The following NRG1 variants were observed in gnomAD, a reference collection of about 807,000 sequenced individuals.
NRG1 encodes neuregulin 1.
NRG1 carries 18 observed loss-of-function variants against 63.8 expected under a neutral mutation model. The observed-to-expected ratio is 0.28, with a 90% CI of 0.19 to 0.42. The LOEUF is 0.42. NRG1 is among the 10% of genes least tolerant of loss of function. The probability of loss-of-function intolerance (pLI) is 1.00; values close to 1 mark genes in which losing one functional copy is unlikely to be tolerated. For synonymous variants in NRG1, 302 were observed against 301.3 expected, an observed-to-expected ratio of 1.00 and a Z score of -0.02; for missense variants, 762 against 814.7, an observed-to-expected ratio of 0.94 and a Z score of 0.79.
intron 1 of NRG1, among the ~76,000 whole-genome samples, chr8:32,422,259 TC>T (rs1252533363): frequency 1.3e-5 from 2 of 152,192 alleles, no homozygotes; most frequent in East Asian, 3.9e-4. Flanking sequence ...CATATACCTA[TC>T]CACACATATG....
chr8:32,250,284 C>G (rs1848970567), intron 1 of NRG1, among the ~76,000 whole-genome samples: 1 of 151,956 alleles, frequency 6.6e-6, no homozygotes, highest in Non-Finnish European at 1.5e-5. Context: ...AACATCATCC[C>G]AAGGAAGGCT....
Position 32,199,521 on chromosome 8 carries a change from C to G in NRG1, c.38-396307C>G, listed in dbSNP as rs141104154. ...AGCTTCTAAATTAGCCTACATAAGA[C>G]ATAAACTCTTAGATCTTACTTGTCT... On this transcript the variant is annotated intron_variant, in intron 1 of 10. Coordinates refer to the NRG1 transcript ENST00000519301. Among the ~76,000 whole-genome samples, 1,361 of 152,246 alleles carry G rather than the reference C, an allele frequency of 8.9e-3. 11 individuals carry two copies. The highest frequency in any genetic ancestry group is 0.015 in the Non-Finnish European group (1,054 of 68,018).
chr8:32,673,575 T>C (rs1806262490), intron 5 of NRG1, among the ~76,000 whole-genome samples: 1 of 152,206 alleles, frequency 6.6e-6, no homozygotes, highest in South Asian at 2.1e-4. Flanking sequence ...TATGGCTCTT[T>C]GACAGTGGAA....
intron 1 of NRG1, among the ~76,000 whole-genome samples, chr8:32,199,721 T>C (rs1563901228): frequency 6.6e-6 from 1 of 152,240 alleles, no homozygotes; most frequent in African/African-American, 2.4e-5. Context: ...TGAAAACTAC[T>C]TAGATATTCT....
At chr8:32,468,611 G>A (rs559876915) in intron 1 of NRG1, among the ~76,000 whole-genome samples, 1 of 152,124 alleles carries the variant, frequency 6.6e-6, no homozygotes, top group African/African-American at 2.4e-5. Context: ...CTTCCTAGGA[G>A]ATTTTCAACT....
chr8:32,606,515 CACCCCG>C (rs575615897), intron 3 of NRG1, among the ~76,000 whole-genome samples: 230 of 152,070 alleles, frequency 1.5e-3, no homozygotes, highest in African/African-American at 5.4e-3. Flanking sequence ...TTAAAAGAAC[CACCCCG>C]ATGGCTTTGT....
Position 32,154,120 on chromosome 8 carries a change from A to G in NRG1, c.38-441708A>G, listed in dbSNP as rs146281557. Among the ~76,000 whole-genome samples the G allele has an allele frequency of 1.2e-3, 184 of 152,304 alleles. 1 individual carries two copies. Among genetic ancestry groups the G allele is most frequent in the Non-Finnish European group, 2.0e-3 (133 of 68,028 alleles). ...AGGAGAATGGAAGTTTGTATAAACTAGAGTGCTCAAGCAGCAGGCAGTGGA... is the reference window on the plus strand; with the variant it reads ...AGGAGAATGGAAGTTTGTATAAACTGGAGTGCTCAAGCAGCAGGCAGTGGA... On this transcript the variant is annotated intron_variant, in intron 1 of 10. Transcript: ENST00000519301.
At chr8:32,732,585 AT>A (rs1185249930) in intron 6 of NRG1, among the ~76,000 whole-genome samples, 4 of 152,164 alleles carry the variant, frequency 2.6e-5, no homozygotes, top group Non-Finnish European at 5.9e-5. Context: ...CAATATATTT[AT>A]TTATAACATG....
At chr8:32,090,050 T>A (rs1279587314) in intron 1 of NRG1, among the ~76,000 whole-genome samples, 31 of 152,198 alleles carry the variant, frequency 2.0e-4, no homozygotes, top group Admixed American at 2.0e-3. Context: ...CTCTTGTATA[T>A]TGACAAGAGC....
chr8:31,900,470 A>C (rs1831980099), intron 1 of NRG1, among the ~76,000 whole-genome samples: 1 of 152,222 alleles, frequency 6.6e-6, no homozygotes, highest in Non-Finnish European at 1.5e-5. Flanking sequence ...CATTATACTA[A>C]GTAGAGAAGT....
At chr8:32,001,811 A>G (rs925355032) in intron 1 of NRG1, among the ~76,000 whole-genome samples, 10 of 151,980 alleles carry the variant, frequency 6.6e-5, no homozygotes, top group South Asian at 2.1e-4. Context: ...GCATGATATC[A>G]AGTATACATA....
intron 1 of NRG1, among the ~76,000 whole-genome samples, chr8:31,906,311 G>T (rs556171571): frequency 6.6e-6 from 1 of 152,182 alleles, no homozygotes; most frequent in Admixed American, 6.5e-5. Context: ...CAAATGATCA[G>T]AGAAAGATCT....
intron 1 of NRG1, among the ~76,000 whole-genome samples, chr8:32,352,967 G>GAGAA (rs1805830714): frequency 1.3e-5 from 2 of 149,670 alleles, no homozygotes; most frequent in Non-Finnish European, 3.0e-5. Flanking sequence ...TATATACAGA[G>GAGAA]AGAGAGAGAC....
intron 1 of NRG1, among the ~76,000 whole-genome samples, chr8:32,586,095 T>G (rs1841556959): frequency 6.8e-6 from 1 of 146,884 alleles, no homozygotes; most frequent in Non-Finnish European, 1.5e-5. Context: ...GAACAATGCC[T>G]GGCACATAGT....
chr8:32,337,682 A>AAAAAAAAAAAAAAAAAAAAAAT (rs1554511693), intron 1 of NRG1, among the ~76,000 whole-genome samples: 13 of 116,698 alleles, frequency 1.1e-4, no homozygotes, highest in Non-Finnish European at 1.9e-4. Context: ...AAAAAAAAAA[A>AAAAAAAAAAAAAAAAAAAAAAT]GCTGATGCAG....
At chr8:32,496,854 T>G (rs6468116) in intron 1 of NRG1, among the ~76,000 whole-genome samples, 94,742 of 151,962 alleles carry the variant, frequency 0.62, 29,777 homozygotes, top group East Asian at 0.79. Flanking sequence ...ATATTTAGTA[T>G]TTAAGCAATA....
chr8:31,862,859 G>C (rs1047655427), intron 1 of NRG1, among the ~76,000 whole-genome samples: 1 of 152,148 alleles, frequency 6.6e-6, no homozygotes, highest in African/African-American at 2.4e-5. Context: ...CCCTTAATTT[G>C]CAGGCACTGT....
chr8:32,168,210 T>G (rs1839609470), intron 1 of NRG1, among the ~76,000 whole-genome samples: 1 of 152,150 alleles, frequency 6.6e-6, no homozygotes, highest in African/African-American at 2.4e-5. Flanking sequence ...GAAGCAGATC[T>G]CAAATGGGAA....
chr8:31,670,786 G>A (rs1014681784), intron 1 of NRG1, among the ~76,000 whole-genome samples: 1 of 151,934 alleles, frequency 6.6e-6, no homozygotes, highest in Non-Finnish European at 1.5e-5. Flanking sequence ...TTTTAACTTG[G>A]GTTTTTATTT....
Sources: allele counts gnomAD v4.1 joint callset (sites outside exome capture counted in the v4.1 genomes callset), GRCh38; gene constraint gnomAD v4.1.1; transcripts MANE v1.5; gene names NCBI Gene and HGNC (gene_info 2026-07-23, HGNC 2026-07-21).